DSC3: variants seen among roughly 807,000 people sequenced by gnomAD.
DSC3 encodes the protein desmocollin 3.
DSC3 carries 97 observed loss-of-function variants against 89.5 expected under a neutral mutation model. The observed-to-expected ratio is 1.08, with a 90% CI of 0.92 to 1.28. DSC3 has a LOEUF of 1.28. Ranked by LOEUF, DSC3 falls within the 50% of genes most tolerant of loss-of-function variation. The pLI is 0.00. For missense variants in DSC3, 1,199 were observed against 1,085.3 expected (o/e 1.10, Z -1.47); for synonymous variants, 436 against 384.1 (o/e 1.14, Z -1.58).
chr18:31,035,266 T>C (rs1985933751), intron 1 of DSC3, among the ~76,000 whole-genome samples: 1 of 152,030 alleles, frequency 6.6e-6, no homozygotes, highest in Non-Finnish European at 1.5e-5. Context: ...ATCGTACTTC[T>C]CAAAGATCCA....
intron 1 of DSC3, among the ~76,000 whole-genome samples, chr18:31,035,708 A>G (rs1456421886): frequency 6.6e-6 from 1 of 152,082 alleles, no homozygotes; most frequent in Non-Finnish European, 1.5e-5. Context: ...GCCCATCTAG[A>G]TCTTTAAAAA....
rs1467748797 is a variant in DSC3, at chr18:30,993,910, T to A, written c.*265A>T. ...ATCCAGCATATTTATTACTAAAATA[T>A]CCGTAAAAAAAAAAAAGAGCAGATG... On this transcript the variant is annotated 3_prime_UTR_variant, in exon 16 of 16. Coordinates refer to ENST00000360428, the MANE Select transcript of DSC3 (RefSeq NM_001941.5). 1 of 339,754 alleles carries A rather than the reference T, an allele frequency of 2.9e-6. No individual in the cohort carries two copies. The highest frequency in any genetic ancestry group is 5.5e-6 in the Non-Finnish European group (1 of 183,410). 21.0% of individuals were successfully genotyped at this position (339,754 alleles called of 1,614,324 possible).
At chr18:31,025,735 T>A in intron 5 of DSC3, 25 bp downstream of exon 5, 2 of 1,608,776 alleles carry the variant, frequency 1.2e-6, no homozygotes, top group Non-Finnish European at 8.5e-7. Flanking sequence ...TAATTTAAAG[T>A]CAGGCATATC....
At chr18:31,033,928 A>G (rs568066555) in intron 1 of DSC3, among the ~76,000 whole-genome samples, 4 of 152,258 alleles carry the variant, frequency 2.6e-5, no homozygotes, top group African/African-American at 9.6e-5. Flanking sequence ...GGTTCACGCC[A>G]TTCTCCTGCC....
chr18:31,034,151 C>T (rs1009177810), intron 1 of DSC3, among the ~76,000 whole-genome samples: 1 of 152,072 alleles, frequency 6.6e-6, no homozygotes, highest in African/African-American at 2.4e-5. Flanking sequence ...GAATAAAGGA[C>T]TTGTATCGAA....
At chr18:31,003,681 G>A (rs1984739799) in intron 13 of DSC3, among the ~76,000 whole-genome samples, 1 of 152,144 alleles carries the variant, frequency 6.6e-6, no homozygotes, top group South Asian at 2.1e-4. Flanking sequence ...GCTAATCTAG[G>A]CTGGAGGAGG....
intron 4 of DSC3, among the ~76,000 whole-genome samples, chr18:31,027,380 T>C (rs1451290332): frequency 6.6e-6 from 1 of 152,046 alleles, no homozygotes; most frequent in Non-Finnish European, 1.5e-5. Context: ...ACAGTTTATG[T>C]TTCTTTCTTT....
rs533266477 is a variant in DSC3, at chr18:30,993,040, T to G, written c.*1135A>C. The G allele has an allele frequency of 6.6e-6, 1 of 152,368 alleles. No homozygotes were observed. The highest frequency in any genetic ancestry group is 1.9e-4 in the East Asian group (1 of 5,178). 9.4% of individuals were successfully genotyped at this position (152,368 alleles called of 1,614,324 possible). A position where few individuals can be genotyped will look rare whatever the true frequency, so the allele number is the denominator to read the frequency against. ...TCTCCCCAGGGTGCTTTCAGTAAGA[T>G]CCTCCCCTCAGCTCCCTCTAGCCTC... is the stretch of plus-strand genomic sequence containing the variant. On this transcript the variant is annotated 3_prime_UTR_variant, in exon 16 of 16. Coordinates refer to ENST00000360428, the MANE Select transcript of DSC3 (RefSeq NM_001941.5).
At chr18:31,002,957 T>A (rs1419715157) in intron 13 of DSC3, among the ~76,000 whole-genome samples, 2 of 152,136 alleles carry the variant, frequency 1.3e-5, no homozygotes, top group Non-Finnish European at 2.9e-5. Context: ...GGCCCCACAC[T>A]ACCTTTCTGG....
intron 7 of DSC3, among the ~76,000 whole-genome samples, chr18:31,021,337 C>T (rs1985412288): frequency 1.3e-5 from 2 of 152,258 alleles, no homozygotes; most frequent in Non-Finnish European, 1.5e-5. Context: ...TACAAAAGCA[C>T]ATTCAGACTT....
intron 1 of DSC3, among the ~76,000 whole-genome samples, chr18:31,042,191 A>C (rs904786349): frequency 6.6e-6 from 1 of 151,954 alleles, no homozygotes; most frequent in Non-Finnish European, 1.5e-5. Flanking sequence ...ATCCCTTTTC[A>C]AGTCTGTGCT....
intron 2 of DSC3, 137 bp from the exon 3 acceptor site, chr18:31,031,309 T>G: frequency 4.9e-6 from 3 of 615,244 alleles, no homozygotes; most frequent in Non-Finnish European, 8.3e-6. Flanking sequence ...CCAGATATCT[T>G]AACCTGTTTT....
In DSC3 at chr18:31,001,089, G is replaced by GTGTATATATATATATATATATATATA. The variant is rs141615987; in HGVS notation, c.2235+528_2235+529insTATATATATATATATATATATATACA. Among the ~76,000 whole-genome samples the GTGTATATATATATATATATATATATA allele has an allele frequency of 7.8e-4, 98 of 125,928 alleles. 1 individual carries two copies. The highest frequency in any genetic ancestry group is 2.7e-3 in the East Asian group (9 of 3,314). 82.6% of individuals were successfully genotyped at this position (125,928 alleles called of 152,430 possible). A position where few individuals can be genotyped will look rare whatever the true frequency, so the allele number is the denominator to read the frequency against. On this transcript the variant is annotated intron_variant, in intron 14 of 15. Transcript: ENST00000360428. ...GTGTTTATATATACTTTGTGTGTGT[G>GTGTATATATATATATATATATATATA]TATATATATATATATATATATATAC...
At chr18:31,030,034 C>T (rs1346064543) in intron 3 of DSC3, among the ~76,000 whole-genome samples, 1 of 152,152 alleles carries the variant, frequency 6.6e-6, no homozygotes, top group Non-Finnish European at 1.5e-5. Context: ...AAATGTATGT[C>T]CTTCACTGCC....
rs1253199549 is a variant in DSC3 at position 30,994,229 on chromosome 18, TA to T, written c.2636del (p.Leu879Ter). 6.2e-7 allele frequency: 1 copy of T among 1,614,004 alleles called. No individual in the cohort carries two copies. Among genetic ancestry groups the T allele is most frequent in the African/African-American group, 1.3e-5 (1 of 74,920 alleles). Reference sequence around the variant, plus strand: ...TAATAAATTTGGGTTCCAAATTATTTAAAAAGTCAAGGCCATCTTCTTCCTG... The same window carrying T: ...TAATAAATTTGGGTTCCAAATTATTTAAAAGTCAAGGCCATCTTCTTCCTG... ...EKQEEDGLDF[L>X]NNLEPKFITL... On this transcript the variant is annotated frameshift_variant, in exon 16 of 16. Coordinates refer to ENST00000360428, the MANE Select transcript of DSC3 (RefSeq NM_001941.5). LOFTEE classifies it high-confidence loss of function.
chr18:31,004,596 G>A (rs1355354049), intron 12 of DSC3, among the ~76,000 whole-genome samples: 2 of 152,128 alleles, frequency 1.3e-5, no homozygotes, highest in African/African-American at 4.8e-5. Context: ...TTTGGCATTG[G>A]AGTAGCCCAG....
chr18:31,015,190 T>C (rs1985194658), intron 9 of DSC3, among the ~76,000 whole-genome samples: 2 of 152,126 alleles, frequency 1.3e-5, no homozygotes, highest in African/African-American at 2.4e-5. Context: ...ATAAATGTAT[T>C]GGGGAAATTT....
chr18:30,995,939 T>C (rs929512336), intron 15 of DSC3, among the ~76,000 whole-genome samples: 11 of 114,576 alleles, frequency 9.6e-5, no homozygotes, highest in African/African-American at 2.4e-4. Flanking sequence ...ACCACTGAAC[T>C]CCAGCCTCAG....
Position 31,032,180 on chromosome 18 carries a change from A to G in DSC3, c.154+12T>C. ...AAATTTCTGCTTTAAAAAGACTTTT[A>G]AAATTTCTCACCTCTGCCAATTATT... is the stretch of plus-strand genomic sequence containing the variant. On this transcript the variant is annotated intron_variant, in intron 2 of 15. Coordinates refer to ENST00000360428, the MANE Select transcript of DSC3 (RefSeq NM_001941.5). The G allele has an allele frequency of 6.3e-7, 1 of 1,595,564 alleles. No homozygotes were observed.
Sources: allele counts gnomAD v4.1 joint callset (sites outside exome capture counted in the v4.1 genomes callset), GRCh38; gene constraint gnomAD v4.1.1; transcripts MANE v1.5; gene names NCBI Gene and HGNC (gene_info 2026-07-23, HGNC 2026-07-21).